EIF4EBP2: variants seen among roughly 807,000 people sequenced by gnomAD.
The protein encoded by EIF4EBP2 is eukaryotic translation initiation factor 4E-binding protein 2.
In EIF4EBP2, 5 loss-of-function variants were observed where a neutral mutation model predicts 10.3. That is an observed-to-expected ratio of 0.48 (90% CI 0.25 to 1.02). EIF4EBP2 has a LOEUF of 1.02. EIF4EBP2 is among the 50% of genes least tolerant of loss of function. The pLI, the probability that EIF4EBP2 is intolerant of heterozygous loss-of-function variation, is 0.15. For missense variants in EIF4EBP2, 188 were observed against 162.2 expected, an observed-to-expected ratio of 1.16 and a Z score of -0.86; for synonymous variants, 67 against 61.1, an observed-to-expected ratio of 1.10 and a Z score of -0.45.
At chr10:70,405,853 C>T (rs1844960007) in intron 1 of EIF4EBP2, among the ~76,000 whole-genome samples, 1 of 152,102 alleles carries the variant, frequency 6.6e-6, no homozygotes, top group Non-Finnish European at 1.5e-5. Context: ...TTTTAAATGA[C>T]CCAGGCAGAA....
chr10:70,407,321 C>G (rs554724185), intron 1 of EIF4EBP2, among the ~76,000 whole-genome samples: 2 of 152,078 alleles, frequency 1.3e-5, no homozygotes, highest in African/African-American at 4.8e-5. Flanking sequence ...TGACTCTTAA[C>G]GAGCACGCTG....
chr10:70,407,064 A>AT (rs1463855199), intron 1 of EIF4EBP2, among the ~76,000 whole-genome samples: 4 of 149,562 alleles, frequency 2.7e-5, no homozygotes, highest in African/African-American at 9.9e-5. Context: ...CGCCCAGCTA[A>AT]TTTTTTGTAT....
chr10:70,412,316 T>C (rs1447298365), intron 1 of EIF4EBP2, among the ~76,000 whole-genome samples: 1 of 151,182 alleles, frequency 6.6e-6, no homozygotes, highest in African/African-American at 2.4e-5. Flanking sequence ...TTCTCCAGGC[T>C]GTCTATTTGC....
chr10:70,404,656 C>T (rs1564659403), intron 1 of EIF4EBP2, 110 bp downstream of exon 1: 4 of 1,332,582 alleles, frequency 3.0e-6, no homozygotes, highest in South Asian at 1.7e-5. Flanking sequence ...CCACCGAAGC[C>T]CCGGGGACGC....
rs567404922 is a variant in EIF4EBP2 at position 70,426,652 on chromosome 10, A to C, written c.*4905A>C. ...TCTTATCTGTAGCCCTGCTTGCTTG[A>C]GAGTATACTTGGATAAGAAGTATTG... On this transcript the variant is annotated 3_prime_UTR_variant, in exon 3 of 3. Transcript: ENST00000373218. The C allele has an allele frequency of 6.6e-6, 1 of 152,244 alleles. No homozygotes were observed. The highest frequency in any genetic ancestry group is 1.5e-5 in the Non-Finnish European group (1 of 68,048). The allele number at this position is 152,244 out of a possible 1,614,324, so 9.4% of individuals were successfully genotyped here. A position where few individuals can be genotyped will look rare whatever the true frequency, so the allele number is the denominator to read the frequency against.
rs1845173931 is a variant in EIF4EBP2, at chr10:70,423,018, C to T, written c.*1271C>T. ...CCTTCCTTTCCTTCCTTTTTCTCTA[C>T]CAGGCCATTTTTCAAATTTACATCA... is the stretch of plus-strand genomic sequence containing the variant. On this transcript the variant is annotated 3_prime_UTR_variant, in exon 3 of 3. Coordinates refer to ENST00000373218, the MANE Select transcript of EIF4EBP2 (RefSeq NM_004096.5). 6.6e-6 allele frequency: 1 copy of T among 152,472 alleles called. No individual in the cohort carries two copies. Among genetic ancestry groups the T allele is most frequent in the Admixed American group, 6.6e-5 (1 of 15,242 alleles). 9.4% of individuals were successfully genotyped at this position (152,472 alleles called of 1,614,324 possible). A position where few individuals can be genotyped will look rare whatever the true frequency, so the allele number is the denominator to read the frequency against.
intron 1 of EIF4EBP2, among the ~76,000 whole-genome samples, chr10:70,412,856 G>C (rs1174826342): frequency 6.6e-6 from 1 of 152,148 alleles, no homozygotes; most frequent in Non-Finnish European, 1.5e-5. Context: ...TGTTAACCTA[G>C]ATCTAAAGCT....
At chr10:70,408,324 C>T (rs968157514) in intron 1 of EIF4EBP2, among the ~76,000 whole-genome samples, 4 of 152,056 alleles carry the variant, frequency 2.6e-5, no homozygotes, top group African/African-American at 9.7e-5. Context: ...GCGGCTTAGC[C>T]AGGATGGTCT....
chr10:70,406,756 A>C (rs981725155), intron 1 of EIF4EBP2, among the ~76,000 whole-genome samples: 1 of 152,216 alleles, frequency 6.6e-6, no homozygotes, highest in African/African-American at 2.4e-5. Flanking sequence ...TGTTTTCTCA[A>C]ATATCACTTA....
intron 1 of EIF4EBP2, among the ~76,000 whole-genome samples, chr10:70,417,470 G>A (rs1039632612): frequency 3.3e-5 from 5 of 152,214 alleles, no homozygotes; most frequent in African/African-American, 9.6e-5. Flanking sequence ...ATTATACACT[G>A]TAAGTGGATC....
intron 1 of EIF4EBP2, among the ~76,000 whole-genome samples, 170 bp downstream of exon 1, chr10:70,404,716 C>G (rs1844950701): frequency 6.6e-6 from 1 of 152,220 alleles, no homozygotes; most frequent in Non-Finnish European, 1.5e-5. Context: ...CGTGTTCGCT[C>G]TTGCCCGCAG....
At chr10:70,413,659 C>T (rs1224331245) in intron 1 of EIF4EBP2, among the ~76,000 whole-genome samples, 2 of 148,384 alleles carry the variant, frequency 1.3e-5, no homozygotes, top group Admixed American at 6.7e-5. Context: ...CATTTACGTA[C>T]TGTTCCTTAA....
intron 2 of EIF4EBP2, among the ~76,000 whole-genome samples, chr10:70,420,920 A>G (rs1287700340): frequency 6.6e-6 from 1 of 151,858 alleles, no homozygotes; most frequent in Non-Finnish European, 1.5e-5. Flanking sequence ...TCAGCCTCCC[A>G]AGTAGCTGGG....
chr10:70,410,876 G>A (rs1845037249), intron 1 of EIF4EBP2, among the ~76,000 whole-genome samples: 1 of 152,176 alleles, frequency 6.6e-6, no homozygotes, highest in Admixed American at 6.5e-5. Flanking sequence ...AGAAATTGAA[G>A]TTACATGCCA....
At chr10:70,410,327 C>T (rs888813528) in intron 1 of EIF4EBP2, among the ~76,000 whole-genome samples, 3 of 151,968 alleles carry the variant, frequency 2.0e-5, no homozygotes, top group African/African-American at 7.2e-5. Flanking sequence ...ACCTCGGCCT[C>T]CCAGAGTGCT....
chr10:70,408,190 G>T (rs1367452725), intron 1 of EIF4EBP2, among the ~76,000 whole-genome samples: 1 of 140,646 alleles, frequency 7.1e-6, no homozygotes, highest in East Asian at 2.2e-4. Flanking sequence ...GGACGGGGCG[G>T]CTGGCCGGGC....
At chr10:70,413,376 A>G (rs1177001085) in intron 1 of EIF4EBP2, among the ~76,000 whole-genome samples, 5 of 152,040 alleles carry the variant, frequency 3.3e-5, no homozygotes, top group Admixed American at 2.0e-4. Flanking sequence ...CTATAATCCC[A>G]ACACTTTGTG....
At chr10:70,421,578 C>CA in intron 2 of EIF4EBP2, 138 bp from the exon 3 acceptor site, 1 of 739,562 alleles carries the variant, frequency 1.4e-6, no homozygotes, top group Admixed American at 2.5e-5. Flanking sequence ...CAAAGCAAAG[C>CA]AGAGTAATTG....
At chr10:70,417,437 T>C (rs1845109328) in intron 1 of EIF4EBP2, among the ~76,000 whole-genome samples, 1 of 151,982 alleles carries the variant, frequency 6.6e-6, no homozygotes, top group Non-Finnish European at 1.5e-5. Context: ...TGTACAGTCC[T>C]GCGAATCAAC....
Sources: allele counts gnomAD v4.1 joint callset (sites outside exome capture counted in the v4.1 genomes callset), GRCh38; gene constraint gnomAD v4.1.1; transcripts MANE v1.5; gene names NCBI Gene and HGNC (gene_info 2026-07-23, HGNC 2026-07-21).